CDH4: variants seen among roughly 807,000 people sequenced by gnomAD.
The protein encoded by CDH4 is cadherin 4.
Under a neutral mutation model 86.0 loss-of-function variants are expected in CDH4, and 33 were observed. That is an observed-to-expected ratio of 0.38 (90% CI 0.29 to 0.51). The LOEUF is 0.51. CDH4 is among the 20% of genes least tolerant of loss of function. CDH4 has a pLI of 0.86. For synonymous variants in CDH4, 555 were observed against 549.4 expected (o/e 1.01, Z -0.14); for missense variants, 1,114 against 1,307.4 (o/e 0.85, Z 2.28).
intron 2 of CDH4, among the ~76,000 whole-genome samples, chr20:61,428,847 C>T (rs77029538): frequency 2.6e-5 from 4 of 152,114 alleles, no homozygotes; most frequent in South Asian, 2.1e-4. Flanking sequence ...AGAGAGTGAG[C>T]GAGAGCAGGC....
chr20:61,555,223 C>T (rs551738740), intron 2 of CDH4, among the ~76,000 whole-genome samples: 1 of 152,296 alleles, frequency 6.6e-6, no homozygotes, highest in East Asian at 1.9e-4. Context: ...AACCAGGCAG[C>T]CTCCTTGTGA....
chr20:61,875,882 C>T (rs575394303), intron 7 of CDH4, among the ~76,000 whole-genome samples: 1 of 152,306 alleles, frequency 6.6e-6, no homozygotes, highest in South Asian at 2.1e-4. Context: ...CCTCTGTAGC[C>T]TGGGGTCCCC....
At chr20:61,616,635 C>T (rs1037810154) in intron 2 of CDH4, among the ~76,000 whole-genome samples, 1 of 152,226 alleles carries the variant, frequency 6.6e-6, no homozygotes. Flanking sequence ...CAAAGCATAG[C>T]TCAGCCTCCC....
chr20:61,892,246 T>C (rs1355060440), intron 7 of CDH4, among the ~76,000 whole-genome samples: 1 of 152,232 alleles, frequency 6.6e-6, no homozygotes, highest in Non-Finnish European at 1.5e-5. Context: ...AGACACCTTA[T>C]GGAGCACCCA....
chr20:61,454,056 A>C (rs1275079515), intron 2 of CDH4, among the ~76,000 whole-genome samples: 6 of 152,200 alleles, frequency 3.9e-5, no homozygotes, highest in African/African-American at 1.4e-4. Context: ...TTTCTTTTAT[A>C]AATTACCCAG....
At chr20:61,531,937 T>G (rs997912519) in intron 2 of CDH4, among the ~76,000 whole-genome samples, 9 of 152,272 alleles carry the variant, frequency 5.9e-5, no homozygotes, top group Admixed American at 1.3e-4. Context: ...AGTTTGTTCT[T>G]ATCTTCTGCG....
chr20:61,331,662 C>T (rs1339264065), intron 2 of CDH4, among the ~76,000 whole-genome samples: 23 of 151,064 alleles, frequency 1.5e-4, no homozygotes, highest in Admixed American at 3.9e-4. Flanking sequence ...CAGCCACCTG[C>T]CCCAGGCTCA....
intron 2 of CDH4, among the ~76,000 whole-genome samples, chr20:61,587,891 C>T (rs898669456): frequency 6.6e-6 from 1 of 152,152 alleles, no homozygotes; most frequent in African/African-American, 2.4e-5. Context: ...ACTCCGCCCC[C>T]GCCCAGGCCC....
rs377555192 is a variant in CDH4 at position 61,773,221 on chromosome 20, C to A, written c.576+39C>A. The A allele has an allele frequency of 4.5e-4, 670 of 1,485,644 alleles. 1 individual carries two copies. The highest frequency in any genetic ancestry group is 5.7e-4 in the Non-Finnish European group (637 of 1,107,908). 92.0% of individuals were successfully genotyped at this position (1,485,644 alleles called of 1,614,324 possible). A position where few individuals can be genotyped will look rare whatever the true frequency, so the allele number is the denominator to read the frequency against. On this transcript the variant is annotated intron_variant, in intron 4 of 15. Transcript: ENST00000614565. ...CCTCCCGCGGGCACGGGGGTCTCGG[C>A]GTTAGCAGTAGGCTCTTCTCCCGAC...
At chr20:61,294,031 G>A (rs923926831) in intron 2 of CDH4, among the ~76,000 whole-genome samples, 11 of 152,186 alleles carry the variant, frequency 7.2e-5, no homozygotes, top group Non-Finnish European at 2.9e-5. Flanking sequence ...GACAGGTGAA[G>A]GCCCCGGCAG....
At chr20:61,691,277 G>A (rs1273060107) in intron 2 of CDH4, among the ~76,000 whole-genome samples, 1 of 152,168 alleles carries the variant, frequency 6.6e-6, no homozygotes, top group South Asian at 2.1e-4. Flanking sequence ...GTGTGTGTAT[G>A]TGCGTGTGCA....
chr20:61,719,039 A>G (rs753847196), intron 2 of CDH4: 2 of 470,790 alleles, frequency 4.2e-6, no homozygotes, highest in Non-Finnish European at 8.8e-6. Context: ...TGAGAGAAGG[A>G]CCCTCCCTGG....
rs1284608481 is a variant in CDH4 at position 61,653,829 on chromosome 20, C to T, written c.170-89734C>T. Among the ~76,000 whole-genome samples, 79 of 124,438 alleles carry T rather than the reference C, an allele frequency of 6.3e-4. 4 individuals are homozygous for T. Among genetic ancestry groups the T allele is most frequent in the African/African-American group, 1.8e-3 (67 of 36,664 alleles). The allele number at this position is 124,438 out of a possible 152,430, so 81.6% of individuals were successfully genotyped here. ...GCTCCTCACTTCCTAGATGGGATGG[C>T]GGCCGGGCAGAGACGCTCCTCACTT... On this transcript the variant is annotated intron_variant, in intron 2 of 15. Transcript: ENST00000614565.
intron 6 of CDH4, among the ~76,000 whole-genome samples, chr20:61,867,842 G>A (rs1036043408): frequency 3.9e-5 from 6 of 152,290 alleles, no homozygotes; most frequent in East Asian, 1.9e-4. Flanking sequence ...GAGTGGGTGC[G>A]TAAACTAAGG....
intron 2 of CDH4, among the ~76,000 whole-genome samples, chr20:61,454,468 C>T (rs906972462): frequency 1.3e-5 from 2 of 152,126 alleles, no homozygotes; most frequent in Non-Finnish European, 2.9e-5. Flanking sequence ...TTTTTTGAGA[C>T]GGAGTCTCAC....
At chr20:61,395,618 A>G (rs1377657207) in intron 2 of CDH4, among the ~76,000 whole-genome samples, 2 of 152,092 alleles carry the variant, frequency 1.3e-5, no homozygotes, top group Non-Finnish European at 2.9e-5. Flanking sequence ...CATCTCTACA[A>G]AAATCACAAG....
intron 2 of CDH4, among the ~76,000 whole-genome samples, chr20:61,435,345 T>C (rs899988359): frequency 4.6e-5 from 7 of 152,044 alleles, no homozygotes; most frequent in Admixed American, 3.3e-4. Context: ...GAAAGGAGGG[T>C]TGGACCTGCA....
At chr20:61,732,887 C>T (rs759199330) in intron 2 of CDH4, among the ~76,000 whole-genome samples, 14 of 152,228 alleles carry the variant, frequency 9.2e-5, no homozygotes, top group African/African-American at 1.7e-4. Flanking sequence ...TGTTCCATTT[C>T]GGGCATCTCA....
chr20:61,869,688 C>G (rs1983713571), intron 6 of CDH4, among the ~76,000 whole-genome samples: 1 of 152,240 alleles, frequency 6.6e-6, no homozygotes, highest in African/African-American at 2.4e-5. Context: ...CCCGCCTTTT[C>G]CCCAGGTCCC....
Sources: allele counts gnomAD v4.1 joint callset (sites outside exome capture counted in the v4.1 genomes callset), GRCh38; gene constraint gnomAD v4.1.1; transcripts MANE v1.5; gene names NCBI Gene and HGNC (gene_info 2026-07-23, HGNC 2026-07-21).